The following SSH2 variants were observed in gnomAD, a reference collection of about 807,000 sequenced individuals.
SSH2 encodes the protein slingshot protein phosphatase 2, also known as protein phosphatase Slingshot homolog 2.
In SSH2, 37 loss-of-function variants were observed where a neutral mutation model predicts 135.2. That is an observed-to-expected ratio of 0.27 (90% CI 0.21 to 0.36). The LOEUF is 0.36. SSH2 is among the 10% of genes least tolerant of loss of function. SSH2 has a pLI of 1.00. For synonymous variants in SSH2, 628 were observed against 646.2 expected, an observed-to-expected ratio of 0.97 and a Z score of 0.43; for missense variants, 1,408 against 1,765.3, an observed-to-expected ratio of 0.80 and a Z score of 3.63.
chr17:29,845,506 AGAC>A (rs1430424495), intron 2 of SSH2, among the ~76,000 whole-genome samples: 1 of 152,242 alleles, frequency 6.6e-6, no homozygotes, highest in Admixed American at 6.5e-5. Flanking sequence ...CTTGAGGAAA[AGAC>A]GACAACAAAT....
intron 3 of SSH2, among the ~76,000 whole-genome samples, chr17:29,784,061 G>T (rs1403370237): frequency 4.4e-5 from 1 of 22,920 alleles, no homozygotes; most frequent in Non-Finnish European, 7.9e-5. Context: ...GCGAGACTCC[G>T]TCTCAAAAAA....
At chr17:29,744,596 G>A (rs867206564) in intron 3 of SSH2, among the ~76,000 whole-genome samples, 1 of 152,138 alleles carries the variant, frequency 6.6e-6, no homozygotes, top group African/African-American at 2.4e-5. Flanking sequence ...AAACTAAAGA[G>A]TTGTACATTG....
At chr17:29,793,118 A>G (rs2042099374) in intron 3 of SSH2, among the ~76,000 whole-genome samples, 1 of 152,062 alleles carries the variant, frequency 6.6e-6, no homozygotes, top group Non-Finnish European at 1.5e-5. Context: ...TCTAGAACTT[A>G]CCAGGCCTGT....
chr17:29,784,694 C>T (rs2041923375), intron 3 of SSH2, among the ~76,000 whole-genome samples: 1 of 152,102 alleles, frequency 6.6e-6, no homozygotes, highest in African/African-American at 2.4e-5. Flanking sequence ...CATTCTTCTA[C>T]ACATAGATCT....
intron 3 of SSH2, among the ~76,000 whole-genome samples, chr17:29,781,910 A>G (rs975600460): frequency 1.4e-5 from 2 of 145,280 alleles, no homozygotes; most frequent in Non-Finnish European, 3.0e-5. Context: ...CAAAATCTCA[A>G]TCTCGGCTCA....
chr17:29,786,935 C>T (rs1169500237), intron 3 of SSH2, among the ~76,000 whole-genome samples: 2 of 152,116 alleles, frequency 1.3e-5, no homozygotes, highest in Non-Finnish European at 1.5e-5. Context: ...ATCAATCAAT[C>T]ACAAAAAGGG....
At chr17:29,869,623 C>T (rs1257116798) in intron 1 of SSH2, among the ~76,000 whole-genome samples, 1 of 152,182 alleles carries the variant, frequency 6.6e-6, no homozygotes, top group Non-Finnish European at 1.5e-5. Flanking sequence ...ACTGCCAAGT[C>T]ATAGGGAAGA....
At chr17:29,926,054 C>A (rs1292801379) in intron 1 of SSH2, among the ~76,000 whole-genome samples, 1 of 152,086 alleles carries the variant, frequency 6.6e-6, no homozygotes, top group Non-Finnish European at 1.5e-5. Context: ...TCCCTCCCTG[C>A]AAATCTAATC....
intron 11 of SSH2, among the ~76,000 whole-genome samples, chr17:29,662,145 A>G (rs1192437663): frequency 6.6e-6 from 1 of 152,190 alleles, no homozygotes; most frequent in Admixed American, 6.5e-5. Context: ...AAACCTTTGG[A>G]CTATAATACA....
intron 1 of SSH2, among the ~76,000 whole-genome samples, chr17:29,910,197 C>A (rs1361004750): frequency 6.6e-6 from 1 of 152,154 alleles, no homozygotes; most frequent in African/African-American, 2.4e-5. Context: ...CCTCCTCTCA[C>A]CTTGGCCTCC....
intron 3 of SSH2, among the ~76,000 whole-genome samples, chr17:29,732,696 A>C (rs1471459571): frequency 6.6e-6 from 1 of 152,220 alleles, no homozygotes; most frequent in Non-Finnish European, 1.5e-5. Flanking sequence ...TAAAGATAGA[A>C]GGAGGCTTCG....
intron 1 of SSH2, among the ~76,000 whole-genome samples, chr17:29,904,252 A>G (rs918567508): frequency 2.6e-5 from 4 of 152,220 alleles, no homozygotes; most frequent in Admixed American, 6.5e-5. Flanking sequence ...GAAATCCTTA[A>G]TAAAATACTG....
At chr17:29,657,230 G>C (rs562498545) in intron 11 of SSH2, among the ~76,000 whole-genome samples, 3 of 152,026 alleles carry the variant, frequency 2.0e-5, no homozygotes, top group Non-Finnish European at 4.4e-5. Context: ...GCCTCCCAAA[G>C]TGCGGGGATT....
At chr17:29,899,019 C>T (rs929514963) in intron 1 of SSH2, among the ~76,000 whole-genome samples, 10 of 152,008 alleles carry the variant, frequency 6.6e-5, no homozygotes, top group East Asian at 3.9e-4. Context: ...ACAGAACCAA[C>T]GACAAAAACC....
chr17:29,709,015 T>TATATAGAGAGAGAGAGAGAGAG (rs780981175), intron 3 of SSH2, among the ~76,000 whole-genome samples: 4 of 81,586 alleles, frequency 4.9e-5, no homozygotes, highest in Non-Finnish European at 4.9e-5. Flanking sequence ...TATATATATA[T>TATATAGAGAGAGAGAGAGAGAG]AGAGAGAGAG....
At chr17:29,637,509 G>A (rs1339054251) in intron 14 of SSH2, among the ~76,000 whole-genome samples, 2 of 152,298 alleles carry the variant, frequency 1.3e-5, no homozygotes, top group Admixed American at 6.5e-5. Flanking sequence ...GCCAGGTAAG[G>A]TGGCTCACGC....
In SSH2 at chr17:29,650,775, G is replaced by C. The variant is rs746220679; in HGVS notation, c.1105C>G (p.Arg369Gly). ...RGVRYILNVTREIDNFFPGVF... is the reference protein window; with the variant it reads ...RGVRYILNVTGEIDNFFPGVF... ...CCTGGGAAGAAGTTATCTATCTCTC[G>C]AGTGACATTCAAGATATACCGTACC... The change falls in exon 13 of 16, where the codon CGA becomes GGA. Residue 369 changes from arginine to glycine, a missense_variant. Transcript: ENST00000540801. 1 of 1,613,508 alleles carries C rather than the reference G, an allele frequency of 6.2e-7. No homozygotes were observed. Among genetic ancestry groups the C allele is most frequent in the Non-Finnish European group, 8.5e-7 (1 of 1,179,698 alleles).
intron 1 of SSH2, among the ~76,000 whole-genome samples, chr17:29,879,579 T>C (rs1287056270): frequency 6.6e-6 from 1 of 152,136 alleles, no homozygotes; most frequent in Non-Finnish European, 1.5e-5. Context: ...CAATATGAAC[T>C]GAATACCTAC....
intron 1 of SSH2, among the ~76,000 whole-genome samples, chr17:29,901,953 T>G (rs2066565233): frequency 6.6e-6 from 1 of 152,112 alleles, no homozygotes; most frequent in Non-Finnish European, 1.5e-5. Flanking sequence ...TGGCTAATTT[T>G]TAATTTTTTT....
Sources: gnomAD v4.1 joint callset for allele counts (sites outside exome capture counted in the v4.1 genomes callset) on GRCh38, gnomAD v4.1.1 for gene constraint, MANE v1.5 for transcripts, NCBI Gene and HGNC (gene_info 2026-07-23, HGNC 2026-07-21) for gene names.